Variants in SDK1 observed in about 807,000 individuals in gnomAD.
The protein encoded by SDK1 is protein sidekick-1.
Under a neutral mutation model 245.5 loss-of-function variants are expected in SDK1, and 157 were observed. The ratio of observed to expected loss-of-function variants is 0.64; its 90% CI spans 0.56 to 0.73. The LOEUF (loss-of-function observed/expected upper bound fraction) is 0.73. Ranked by LOEUF, SDK1 falls within the 30% of genes least tolerant of loss-of-function variation. SDK1 has a pLI of 0.00. For synonymous variants in SDK1, 1,647 were observed against 1,278.5 expected (o/e 1.29, Z -6.15); for missense variants, 3,583 against 3,002.3 (o/e 1.19, Z -4.52).
chr7:4,023,267 A>T (rs374466012), intron 17 of SDK1, among the ~76,000 whole-genome samples: 1 of 152,060 alleles, frequency 6.6e-6, no homozygotes, highest in Admixed American at 6.6e-5. Flanking sequence ...TTGTCGGCCA[A>T]TCCCATTTAA....
intron 19 of SDK1, 72 bp downstream of exon 19, chr7:4,051,902 C>A: frequency 7.2e-7 from 1 of 1,398,558 alleles, no homozygotes; most frequent in Non-Finnish European, 9.8e-7. Context: ...CTTCCAGAAT[C>A]AGGCAAGGGC....
intron 5 of SDK1, among the ~76,000 whole-genome samples, chr7:3,833,087 A>C (rs1414997544): frequency 1.3e-5 from 2 of 152,108 alleles, no homozygotes; most frequent in Admixed American, 6.5e-5. Context: ...GGGAAGTGTG[A>C]AGGCTATAAC....
chr7:3,971,457 T>G lies in SDK1; in HGVS notation c.1715-9T>G, dbSNP rs1231019237. ...ATTTCGTCTGACTCGTGACTTGTGT[T>G]TTTTTCAGATCGGACGTCCATCGTC... is the stretch of plus-strand genomic sequence containing the variant. On this transcript the variant is annotated splice_polypyrimidine_tract_variant and intron_variant, in intron 11 of 44. Coordinates refer to ENST00000404826, the MANE Select transcript of SDK1 (RefSeq NM_152744.4). 1.9e-6 allele frequency: 3 copies of G among 1,603,762 alleles called. No homozygotes were observed. The highest frequency in any genetic ancestry group is 2.6e-6 in the Non-Finnish European group (3 of 1,171,904).
intron 5 of SDK1, among the ~76,000 whole-genome samples, chr7:3,950,575 G>A (rs1780766021): frequency 6.6e-6 from 1 of 152,168 alleles, no homozygotes; most frequent in Admixed American, 6.5e-5. Flanking sequence ...ATTTATGACA[G>A]GTGTGTATGC....
chr7:4,009,262 A>G lies in SDK1; in HGVS notation c.2132-1704A>G, dbSNP rs138455506. ...CATACCAGTTCTCTTCAGAATGAGA[A>G]CGGTATTTCCATGGAAGCTGGACTT... On this transcript the variant is annotated intron_variant, in intron 14 of 44. Coordinates refer to ENST00000404826, the MANE Select transcript of SDK1 (RefSeq NM_152744.4). Among the ~76,000 whole-genome samples, 98 of 152,328 alleles carry G rather than the reference A, an allele frequency of 6.4e-4. 1 individual carries two copies. In the East Asian group the frequency reaches 0.015, roughly 23 times the overall value.
chr7:3,840,029 A>C (rs41873), intron 5 of SDK1, among the ~76,000 whole-genome samples: 82,414 of 151,954 alleles, frequency 0.54, 23,344 homozygotes, highest in African/African-American at 0.68. Context: ...TATCAAATCA[A>C]AGTGGTCTCT....
intron 40 of SDK1, among the ~76,000 whole-genome samples, chr7:4,231,481 G>A (rs1785764442): frequency 1.3e-5 from 2 of 152,044 alleles, no homozygotes; most frequent in Admixed American, 6.5e-5. Flanking sequence ...ACTGAGGCAG[G>A]AGGATAACTT....
At chr7:3,991,663 T>G (rs2128141137) in intron 14 of SDK1, among the ~76,000 whole-genome samples, 1 of 152,322 alleles carries the variant, frequency 6.6e-6, no homozygotes. Context: ...CGTTCCCAGC[T>G]GTCTTTCCTT....
At chr7:3,450,089 G>C (rs1780466126) in intron 1 of SDK1, among the ~76,000 whole-genome samples, 1 of 152,202 alleles carries the variant, frequency 6.6e-6, no homozygotes, top group African/African-American at 2.4e-5. Flanking sequence ...CTTTCAACTA[G>C]GGGTGAATAG....
intron 30 of SDK1, among the ~76,000 whole-genome samples, chr7:4,154,653 G>T (rs1780608031): frequency 6.6e-6 from 1 of 152,154 alleles, no homozygotes; most frequent in Non-Finnish European, 1.5e-5. Context: ...TGCGTGATGG[G>T]ATGTCATTTT....
chr7:4,211,901 G>C (rs141296307), intron 38 of SDK1, among the ~76,000 whole-genome samples: 3,842 of 152,294 alleles, frequency 0.025, 68 homozygotes, highest in South Asian at 0.068. Context: ...GAGCCACCGT[G>C]CCCGACCCCT....
At position 3,722,064 on chromosome 7, in the gene SDK1, G is replaced by C. The variant is rs563858006; in HGVS notation, c.713+79959G>C. Among the ~76,000 whole-genome samples, 4 of 151,942 alleles carry C rather than the reference G, an allele frequency of 2.6e-5. No homozygotes were observed. In the South Asian group the frequency reaches 8.3e-4, roughly 32 times the overall value. On this transcript the variant is annotated intron_variant, in intron 4 of 44. Transcript: ENST00000404826. ...TTGTTTTTTTGAGGTTATTTTTGTA[G>C]AGCCAGGGTTTCACCATGTTACCCA...
At position 3,525,444 on chromosome 7, in the gene SDK1, A is replaced by G. The variant is rs115220601; in HGVS notation, c.299-93636A>G. 5.6e-3 allele frequency among the ~76,000 whole-genome samples: 856 copies of G among 152,246 alleles called. 6 individuals carry two copies. Among genetic ancestry groups the G allele is most frequent in the South Asian group, 0.018 (87 of 4,816 alleles). ...TTCTTGTGTCTGGGAGGTTGATGGCATAGTACATTTACTCCCCAAGTAGTC... is the reference window on the plus strand; with the variant it reads ...TTCTTGTGTCTGGGAGGTTGATGGCGTAGTACATTTACTCCCCAAGTAGTC... On this transcript the variant is annotated intron_variant, in intron 1 of 44. Coordinates refer to ENST00000404826, the MANE Select transcript of SDK1 (RefSeq NM_152744.4).
chr7:3,502,006 G>A (rs2128608446), intron 1 of SDK1, among the ~76,000 whole-genome samples: 1 of 152,128 alleles, frequency 6.6e-6, no homozygotes, highest in East Asian at 1.9e-4. Flanking sequence ...CTAGTGATAG[G>A]CAAACTTTTA....
rs529364137 is a variant in SDK1 at position 3,964,121 on chromosome 7, A to G, written c.1429+1270A>G. Among the ~76,000 whole-genome samples the G allele has an allele frequency of 6.1e-4, 93 of 152,344 alleles. 1 individual carries two copies. Among genetic ancestry groups the G allele is most frequent in the African/African-American group, 2.0e-3 (85 of 41,568 alleles). On this transcript the variant is annotated intron_variant, in intron 9 of 44. Transcript: ENST00000404826. ...GGTAGAACTTCCCAAAATTTGCTCC[A>G]TGTACTACACACAGAAAATGGTAGT...
intron 5 of SDK1, among the ~76,000 whole-genome samples, chr7:3,878,441 C>T (rs1362322706): frequency 6.6e-6 from 1 of 152,058 alleles, no homozygotes; most frequent in African/African-American, 2.4e-5. Context: ...GGCGTGAACC[C>T]GGGAGGCGGA....
intron 13 of SDK1, among the ~76,000 whole-genome samples, chr7:3,986,198 CTT>C (rs34977344): frequency 2.6e-4 from 39 of 149,110 alleles, no homozygotes; most frequent in South Asian, 8.5e-4. Context: ...CCAGTAAAAA[CTT>C]TTTTTTTTTT....
chr7:3,697,703 C>G (rs189695754), intron 4 of SDK1, among the ~76,000 whole-genome samples: 2 of 152,290 alleles, frequency 1.3e-5, no homozygotes, highest in Admixed American at 6.5e-5. Flanking sequence ...CTCATTTCCT[C>G]TCCCCACTTC....
chr7:3,600,374 TAAC>T (rs1376323814), intron 1 of SDK1, among the ~76,000 whole-genome samples: 4 of 152,152 alleles, frequency 2.6e-5, no homozygotes, highest in Non-Finnish European at 5.9e-5. Flanking sequence ...CTACAAATAA[TAAC>T]AATTTTAGTT....
Sources: allele counts gnomAD v4.1 joint callset (sites outside exome capture counted in the v4.1 genomes callset), GRCh38; gene constraint gnomAD v4.1.1; transcripts MANE v1.5; gene names NCBI Gene and HGNC (gene_info 2026-07-23, HGNC 2026-07-21).